MYO1H: variants seen among roughly 807,000 people sequenced by gnomAD.
MYO1H encodes the protein myosin IH.
MYO1H carries 118 observed loss-of-function variants against 149.3 expected under a neutral mutation model. The ratio of observed to expected loss-of-function variants is 0.79; its 90% CI spans 0.68 to 0.92. The LOEUF (loss-of-function observed/expected upper bound fraction) is 0.92. Ranked by LOEUF, MYO1H falls within the 40% of genes least tolerant of loss-of-function variation. MYO1H has a pLI of 0.00. For missense variants in MYO1H, 1,212 were observed against 1,280.7 expected (o/e 0.95, Z 0.82); for synonymous variants, 447 against 465.2 (o/e 0.96, Z 0.50).
chr12:109,404,101 A>G, intron 7 of MYO1H, 21 bp downstream of exon 7: 1 of 1,560,044 alleles, frequency 6.4e-7, no homozygotes, highest in Non-Finnish European at 8.8e-7. Flanking sequence ...TTGCAGCAGA[A>G]CTGATAGTTC....
At chr12:109,441,264 G>A (rs1872117368) in intron 25 of MYO1H, among the ~76,000 whole-genome samples, 1 of 152,210 alleles carries the variant, frequency 6.6e-6, no homozygotes, top group Admixed American at 6.5e-5. Flanking sequence ...TGAATGGCAT[G>A]GCTCTGTCCC....
At position 109,366,398 on chromosome 12, in the gene MYO1H, A is replaced by G. The variant is rs556674855; in HGVS notation, c.12+18426A>G. On this transcript the variant is annotated intron_variant, in intron 1 of 31. Coordinates refer to ENST00000310903, the Ensembl canonical transcript of MYO1H. ...TGTTAGCCAATGCTATAGTTTATTC[A>G]AGGTGGGGGCAGGCTTGGGGAAGTC... Among the ~76,000 whole-genome samples, 213 of 152,332 alleles carry G rather than the reference A, an allele frequency of 1.4e-3. 2 individuals carry two copies. Among genetic ancestry groups the G allele is most frequent in the African/African-American group, 4.8e-3 (201 of 41,574 alleles).
At chr12:109,373,059 T>C (rs1414970612) in intron 1 of MYO1H, among the ~76,000 whole-genome samples, 1 of 152,100 alleles carries the variant, frequency 6.6e-6, no homozygotes, top group Non-Finnish European at 1.5e-5. Flanking sequence ...TAACTAATAA[T>C]TATTTGGTTA....
chr12:109,331,607 G>C, the MYO1H span, among the ~76,000 whole-genome samples: 1 of 152,140 alleles, frequency 6.6e-6, no homozygotes, highest in East Asian at 1.9e-4. Flanking sequence ...CTTCGGGAGC[G>C]GTAGCTTTCA....
chr12:109,359,320 C>G (rs1170275712), intron 1 of MYO1H: 2 of 151,998 alleles, frequency 1.3e-5, no homozygotes, highest in Non-Finnish European at 2.9e-5. Flanking sequence ...TCGACCGAGG[C>G]GGGAGGGAGG....
the MYO1H span, among the ~76,000 whole-genome samples, chr12:109,315,756 T>C: frequency 6.6e-6 from 1 of 152,204 alleles, no homozygotes; most frequent in African/African-American, 2.4e-5. Flanking sequence ...GCCTTTGCCA[T>C]TTTTCTTGGA....
At chr12:109,322,232 G>C in the MYO1H span, among the ~76,000 whole-genome samples, 1 of 151,890 alleles carries the variant, frequency 6.6e-6, no homozygotes, top group Admixed American at 6.6e-5. Flanking sequence ...ATTAATCTTT[G>C]CCTGGAGCTG....
the MYO1H span, among the ~76,000 whole-genome samples, chr12:109,337,031 C>G: frequency 6.6e-6 from 1 of 152,306 alleles, no homozygotes; most frequent in East Asian, 1.9e-4. Flanking sequence ...CATCCCAAAA[C>G]TAAGACACTT....
chr12:109,396,298 G>A, intron 3 of MYO1H, 86 bp from the exon 4 acceptor site: 2 of 1,107,830 alleles, frequency 1.8e-6, no homozygotes, highest in Non-Finnish European at 1.3e-6. Context: ...TGGAGATGGA[G>A]CACCTCATTT....
chr12:109,395,462 G>A (rs1038906448), intron 3 of MYO1H, among the ~76,000 whole-genome samples: 4 of 152,006 alleles, frequency 2.6e-5, no homozygotes, highest in South Asian at 2.1e-4. Context: ...CAGGCCAGGC[G>A]CGGTGGCTCA....
the MYO1H span, among the ~76,000 whole-genome samples, chr12:109,322,388 CA>C: frequency 2.6e-5 from 4 of 152,262 alleles, no homozygotes; most frequent in African/African-American, 9.6e-5. Context: ...TCAAAATACT[CA>C]AAATATTAAG....
At chr12:109,410,629 C>A in intron 12 of MYO1H, 59 bp from the exon 13 acceptor site, 2 of 1,236,050 alleles carry the variant, frequency 1.6e-6, no homozygotes, top group Non-Finnish European at 2.3e-6. Flanking sequence ...CAATTTAAAA[C>A]CAACTTTGAT....
intron 24 of MYO1H, among the ~76,000 whole-genome samples, chr12:109,440,037 C>CTTTTT (rs36004400): frequency 7.0e-6 from 1 of 143,164 alleles, no homozygotes; most frequent in Non-Finnish European, 1.5e-5. Context: ...AAACAGAGCA[C>CTTTTT]TTTTTTTTTT....
chr12:109,328,332 G>C, the MYO1H span, among the ~76,000 whole-genome samples: 24,027 of 151,964 alleles, frequency 0.16, 2,019 homozygotes, highest in Middle Eastern at 0.2. Context: ...ACAAGCCTAT[G>C]AGAGAGATGC....
chr12:109,435,017 A>G lies in MYO1H; in HGVS notation c.2064-20A>G, dbSNP rs369994657. 2 of 1,567,920 alleles carry G rather than the reference A, an allele frequency of 1.3e-6. No individual in the cohort carries two copies. The highest frequency in any genetic ancestry group is 1.7e-6 in the Non-Finnish European group (2 of 1,148,364). On this transcript the variant is annotated intron_variant, in intron 20 of 31. Transcript: ENST00000310903. ...GTAAACTGACCAATTAATAACAAAA[A>G]CATTTCTTTTCACTTCTAGAACCAA...
chr12:109,324,390 C>T, the MYO1H span, among the ~76,000 whole-genome samples: 12 of 152,156 alleles, frequency 7.9e-5, no homozygotes, highest in Non-Finnish European at 2.9e-5. Flanking sequence ...TTACACTCTA[C>T]CTTTTGATAG....
At chr12:109,419,462 C>T (rs899263595) in intron 15 of MYO1H, among the ~76,000 whole-genome samples, 2 of 152,054 alleles carry the variant, frequency 1.3e-5, no homozygotes, top group Admixed American at 1.3e-4. Context: ...TTGATTTTGG[C>T]TTTCTGTGGG....
intron 6 of MYO1H, among the ~76,000 whole-genome samples, chr12:109,402,451 G>A (rs78221880): frequency 0.026 from 3,880 of 152,156 alleles, 60 homozygotes; most frequent in Middle Eastern, 0.054. Context: ...AAGAAAAGAA[G>A]CCTTGACAAA....
intron 5 of MYO1H, among the ~76,000 whole-genome samples, chr12:109,398,028 C>T (rs920384783): frequency 1.3e-5 from 2 of 152,182 alleles, no homozygotes; most frequent in African/African-American, 4.8e-5. Context: ...AAAGTCTGAT[C>T]TATACCAGGT....
Sources: gnomAD v4.1 joint callset for allele counts (sites outside exome capture counted in the v4.1 genomes callset) on GRCh38, gnomAD v4.1.1 for gene constraint, MANE v1.5 for transcripts, NCBI Gene and HGNC (gene_info 2026-07-23, HGNC 2026-07-21) for gene names.